ZNRF3: variants seen among roughly 807,000 people sequenced by gnomAD.
ZNRF3 encodes the protein E3 ubiquitin-protein ligase ZNRF3.
Under a neutral mutation model 72.5 loss-of-function variants are expected in ZNRF3, and 23 were observed. The observed-to-expected ratio is 0.32, with a 90% CI of 0.23 to 0.45. The LOEUF is 0.45. Ranked by LOEUF, ZNRF3 falls within the 20% of genes least tolerant of loss-of-function variation. The probability of loss-of-function intolerance (pLI) is 1.00; values close to 1 mark genes in which losing one functional copy is unlikely to be tolerated. For missense variants in ZNRF3, 1,169 were observed against 1,272.1 expected (o/e 0.92, Z 1.23); for synonymous variants, 610 against 545.3 (o/e 1.12, Z -1.65).
chr22:28,918,991 G>C (rs1483112443), intron 1 of ZNRF3, among the ~76,000 whole-genome samples: 5 of 152,178 alleles, frequency 3.3e-5, no homozygotes, highest in Admixed American at 3.3e-4. Flanking sequence ...GAGCAGAAAT[G>C]GCATTTAGGA....
chr22:29,013,318 C>T (rs770598951), intron 2 of ZNRF3, among the ~76,000 whole-genome samples: 5 of 152,154 alleles, frequency 3.3e-5, no homozygotes, highest in Non-Finnish European at 5.9e-5. Context: ...AAGAGTATCC[C>T]TTCCATGCTA....
intron 1 of ZNRF3, among the ~76,000 whole-genome samples, chr22:28,899,547 G>A (rs1027767898): frequency 7.2e-5 from 11 of 152,132 alleles, no homozygotes; most frequent in African/African-American, 2.7e-4. Flanking sequence ...AAACAGCAAT[G>A]GGATGGGGGC....
chr22:29,020,139 A>T (rs760017178), intron 2 of ZNRF3, among the ~76,000 whole-genome samples: 5 of 151,880 alleles, frequency 3.3e-5, no homozygotes, highest in Non-Finnish European at 5.9e-5. Flanking sequence ...TTACTTTATG[A>T]TACCTAATAC....
chr22:29,052,622 C>T (rs1032618633), intron 8 of ZNRF3, among the ~76,000 whole-genome samples: 3 of 150,928 alleles, frequency 2.0e-5, no homozygotes, highest in Non-Finnish European at 2.9e-5. Flanking sequence ...GAACCCGGGA[C>T]GCCGTTGTTG....
At position 29,052,083 on chromosome 22, in the gene ZNRF3, C is replaced by G. The variant is rs145391290; in HGVS notation, c.2767+1135C>G. On this transcript the variant is annotated intron_variant, in intron 8 of 8. Transcript: ENST00000544604. ...CCAGGTATTTTATTATTAGATTCAA[C>G]AGACATCAGATTGCTACAAGATTTC... Among the ~76,000 whole-genome samples the G allele has an allele frequency of 9.8e-5, 15 of 152,294 alleles. No homozygotes were observed. The East Asian group carries it at 2.1e-3, about 22-fold the overall frequency.
In ZNRF3 at chr22:29,050,509, T is replaced by C. The variant is rs370179019; in HGVS notation, c.2328T>C (p.Gly776=). 6.2e-7 allele frequency: 1 copy of C among 1,612,510 alleles called. No homozygotes were observed. Among genetic ancestry groups the C allele is most frequent in the South Asian group, 1.1e-5 (1 of 91,006 alleles). ...GGACAGATGGGGTGAAATACGAGGG[T>C]CTGCCCTGCTGCTTCTATGAAGAGA... ...LPRTDGVKYE[G]LPCCFYEEKQ... The change falls in exon 8 of 9, where the codon GGT becomes GGC. Residue 776 remains glycine (G), a synonymous_variant. Coordinates refer to ENST00000544604, the MANE Select transcript of ZNRF3 (RefSeq NM_001206998.2).
chr22:29,032,121 G>T (rs867985483), intron 2 of ZNRF3, among the ~76,000 whole-genome samples: 11 of 152,294 alleles, frequency 7.2e-5, no homozygotes, highest in Middle Eastern at 3.4e-3. Flanking sequence ...ATATTTCTCC[G>T]CAGGTTGCAG....
At chr22:29,034,999 C>CTTTTTT (rs10607848) in intron 2 of ZNRF3, among the ~76,000 whole-genome samples, 1 of 131,224 alleles carries the variant, frequency 7.6e-6, no homozygotes, top group Non-Finnish European at 1.6e-5. Context: ...TTTGTTAGAC[C>CTTTTTT]TTTTTTTTTT....
intron 1 of ZNRF3, among the ~76,000 whole-genome samples, chr22:28,903,255 C>A (rs1327733926): frequency 6.6e-6 from 1 of 152,202 alleles, no homozygotes; most frequent in Non-Finnish European, 1.5e-5. Context: ...CACACACGCA[C>A]AGCTGGATGT....
chr22:29,050,952 A>G lies in ZNRF3; in HGVS notation c.2767+4A>G, dbSNP rs2037194984. 3.3e-6 allele frequency: 5 copies of G among 1,506,442 alleles called. No homozygotes were observed. In the African/African-American group the frequency reaches 5.6e-5, roughly 17 times the overall value. The allele number at this position is 1,506,442 out of a possible 1,614,324, so 93.3% of individuals were successfully genotyped here. On this transcript the variant is annotated splice_donor_region_variant and intron_variant, in intron 8 of 8. Coordinates refer to ENST00000544604, the MANE Select transcript of ZNRF3 (RefSeq NM_001206998.2). ...ACCACTGCCACTGAGGCTGCAGGTG[A>G]GAGCAGGAAATGGCAGTAGGTCAGA...
intron 2 of ZNRF3, among the ~76,000 whole-genome samples, chr22:29,027,496 G>A (rs770860470): frequency 1.3e-5 from 2 of 152,052 alleles, no homozygotes; most frequent in Admixed American, 1.3e-4. Context: ...TTATCTGCCC[G>A]CCTCGGCCTC....
At chr22:28,991,457 A>G (rs1368118896) in intron 2 of ZNRF3, among the ~76,000 whole-genome samples, 1 of 151,950 alleles carries the variant, frequency 6.6e-6, no homozygotes, top group Non-Finnish European at 1.5e-5. Context: ...AGGGTACTTC[A>G]TTCAGTTCTC....
intron 1 of ZNRF3, among the ~76,000 whole-genome samples, chr22:28,946,391 A>G (rs2035052521): frequency 6.6e-6 from 1 of 152,152 alleles, no homozygotes. Context: ...GGGGTTTTTA[A>G]GTTGCAGTGT....
At position 29,049,763 on chromosome 22, in the gene ZNRF3, A is replaced by C; in HGVS notation, c.1582A>C (p.Ser528Arg). ...CCACCTGGAGAGCGGCAGCACGTCCAGCTTCAGCTGCTATCACGGCCACCG... is the reference window on the plus strand; with the variant it reads ...CCACCTGGAGAGCGGCAGCACGTCCCGCTTCAGCTGCTATCACGGCCACCG... Reference protein sequence around the residue: ...PSHLESGSTSSFSCYHGHRSV... With the variant: ...PSHLESGSTSRFSCYHGHRSV... Residue 528 changes from serine (S) to arginine (R), a missense_variant, in exon 8 of 9, where the codon AGC (serine) becomes CGC (arginine). Coordinates refer to ENST00000544604, the MANE Select transcript of ZNRF3 (RefSeq NM_001206998.2). This position sits in a 1 kb window ranked among gnomAD's most constrained non-coding sequence, Gnocchi z 5.2. 3 of 1,596,356 alleles carry C rather than the reference A, an allele frequency of 1.9e-6. No individual in the cohort carries two copies. Among genetic ancestry groups the C allele is most frequent in the Non-Finnish European group, 2.6e-6 (3 of 1,169,420 alleles).
At chr22:29,017,933 G>C (rs1021223461) in intron 2 of ZNRF3, 2 of 515,082 alleles carry the variant, frequency 3.9e-6, no homozygotes, top group African/African-American at 3.9e-5. Context: ...AGCGCTTTGA[G>C]AGGTAATCAA....
intron 1 of ZNRF3, among the ~76,000 whole-genome samples, chr22:28,907,957 G>A (rs1358357642): frequency 6.6e-6 from 1 of 152,256 alleles, no homozygotes; most frequent in Non-Finnish European, 1.5e-5. Flanking sequence ...TCAGAGGGAA[G>A]TGGGCGTTTT....
At chr22:28,972,062 C>G (rs1457759358) in intron 1 of ZNRF3, among the ~76,000 whole-genome samples, 2 of 152,108 alleles carry the variant, frequency 1.3e-5, no homozygotes, top group Non-Finnish European at 2.9e-5. Flanking sequence ...CTATATTTTT[C>G]CTTTTCTCCC....
At chr22:28,988,683 T>G (rs2035899973) in intron 2 of ZNRF3, among the ~76,000 whole-genome samples, 1 of 152,192 alleles carries the variant, frequency 6.6e-6, no homozygotes, top group Non-Finnish European at 1.5e-5. Flanking sequence ...AATATTTTAG[T>G]GTTTTCTTAG....
intron 1 of ZNRF3, among the ~76,000 whole-genome samples, chr22:28,945,754 T>C (rs966868972): frequency 6.6e-6 from 1 of 152,056 alleles, no homozygotes; most frequent in Admixed American, 6.5e-5. Flanking sequence ...GGTCTCGATC[T>C]CTTGACCTCG....
Sources: allele counts gnomAD v4.1 joint callset (sites outside exome capture counted in the v4.1 genomes callset), GRCh38; gene constraint gnomAD v4.1.1; non-coding constraint Gnocchi (gnomAD v3.1); transcripts MANE v1.5; gene names NCBI Gene and HGNC (gene_info 2026-07-23, HGNC 2026-07-21).